Variants in LHFPL6 observed in about 807,000 individuals in gnomAD.
The protein encoded by LHFPL6 is LHFPL tetraspan subfamily member 6.
Under a neutral mutation model 20.6 loss-of-function variants are expected in LHFPL6, and 9 were observed. The observed-to-expected ratio is 0.44, with a 90% confidence interval of 0.26 to 0.76. The LOEUF (loss-of-function observed/expected upper bound fraction) is 0.76, where lower values mean the gene tolerates loss of function less well. Among genes scored for constraint, LHFPL6 ranks in the 30% least tolerant of loss-of-function variants. The pLI, the probability that LHFPL6 is intolerant of heterozygous loss-of-function variation, is 0.20. For missense variants in LHFPL6, 218 were observed against 253.5 expected (o/e 0.86, Z 0.95); for synonymous variants, 105 against 98.7 (o/e 1.06, Z -0.38).
At chr13:39,574,208 C>T (rs534553243) in intron 2 of LHFPL6, among the ~76,000 whole-genome samples, 36 of 152,256 alleles carry the variant, frequency 2.4e-4, no homozygotes, top group African/African-American at 4.3e-4. Flanking sequence ...CAAGGCCGGG[C>T]GCGGTGGCTC....
At chr13:39,557,615 C>T (rs868641981) in intron 2 of LHFPL6, among the ~76,000 whole-genome samples, 4 of 152,206 alleles carry the variant, frequency 2.6e-5, no homozygotes, top group South Asian at 2.1e-4. Context: ...TGTTTTACAA[C>T]GTGAGAAGGA....
chr13:39,555,912 T>C (rs1871289862), intron 2 of LHFPL6, among the ~76,000 whole-genome samples: 1 of 152,110 alleles, frequency 6.6e-6, no homozygotes, highest in Non-Finnish European at 1.5e-5. Context: ...ATGAATGGCT[T>C]AGTACCATCC....
chr13:39,512,683 C>T (rs1869764680), intron 2 of LHFPL6, among the ~76,000 whole-genome samples: 1 of 152,042 alleles, frequency 6.6e-6, no homozygotes, highest in East Asian at 1.9e-4. Context: ...AGTTCTGTTC[C>T]CTTCTTAAAT....
chr13:39,471,441 G>A (rs1377796562), intron 2 of LHFPL6, among the ~76,000 whole-genome samples: 3 of 152,310 alleles, frequency 2.0e-5, no homozygotes, highest in Admixed American at 6.5e-5. Flanking sequence ...GAGGCCAAGT[G>A]AGAGCAGAAA....
intron 3 of LHFPL6, among the ~76,000 whole-genome samples, chr13:39,371,221 A>C (rs1000700449): frequency 6.6e-6 from 1 of 152,256 alleles, no homozygotes; most frequent in African/African-American, 2.4e-5. Flanking sequence ...TTAAATAGCA[A>C]AATGAAAGCA....
intron 2 of LHFPL6, among the ~76,000 whole-genome samples, chr13:39,519,026 A>G (rs984065042): frequency 6.6e-6 from 1 of 152,234 alleles, no homozygotes; most frequent in African/African-American, 2.4e-5. Context: ...ACTTGAGGTC[A>G]GGAGTTTGAG....
chr13:39,349,206 A>G (rs903379094), intron 3 of LHFPL6, among the ~76,000 whole-genome samples: 10 of 152,226 alleles, frequency 6.6e-5, no homozygotes, highest in Non-Finnish European at 1.2e-4. Flanking sequence ...TAAAATAATT[A>G]TTAATTCAAA....
chr13:39,483,836 A>G (rs9594333), intron 2 of LHFPL6, among the ~76,000 whole-genome samples: 33,804 of 152,120 alleles, frequency 0.22, 5,793 homozygotes, highest in East Asian at 0.71. Context: ...GGAATGGCCT[A>G]GTCTCACTGA....
At chr13:39,582,093 C>T (rs1872304682) in intron 2 of LHFPL6, among the ~76,000 whole-genome samples, 1 of 152,150 alleles carries the variant, frequency 6.6e-6, no homozygotes, top group Admixed American at 6.6e-5. Context: ...CAAAAGCTGT[C>T]CAGAACTCAA....
chr13:39,352,549 C>T (rs1393771389), intron 3 of LHFPL6, among the ~76,000 whole-genome samples: 1 of 152,042 alleles, frequency 6.6e-6, no homozygotes, highest in African/African-American at 2.4e-5. Flanking sequence ...ACTTGAGCTC[C>T]ATGGGATCCC....
intron 3 of LHFPL6, among the ~76,000 whole-genome samples, chr13:39,352,877 A>AAATG (rs1869610930): frequency 1.6e-5 from 1 of 62,778 alleles, no homozygotes; most frequent in Non-Finnish European, 3.4e-5. Flanking sequence ...ATATATATAT[A>AAATG]TAAATGTATA....
intron 3 of LHFPL6, among the ~76,000 whole-genome samples, chr13:39,351,905 G>A (rs1380913901): frequency 2.0e-5 from 3 of 152,172 alleles, no homozygotes; most frequent in Non-Finnish European, 4.4e-5. Context: ...TACTGACCAT[G>A]AGGCACCCCA....
chr13:39,344,088 C>T (rs1374010693), intron 3 of LHFPL6, 34 bp from the exon 4 acceptor site: 14 of 1,557,554 alleles, frequency 9.0e-6, no homozygotes, highest in African/African-American at 5.4e-5. Flanking sequence ...AAGAAAGTCA[C>T]AGATGAGGAT....
At chr13:39,353,278 G>A (rs112996448) in intron 3 of LHFPL6, among the ~76,000 whole-genome samples, 6,529 of 150,772 alleles carry the variant, frequency 0.043, 158 homozygotes, top group Non-Finnish European at 0.05. Flanking sequence ...AAGCCACCAC[G>A]CCTGATCCTA....
At chr13:39,360,512 T>C (rs55958075) in intron 3 of LHFPL6, among the ~76,000 whole-genome samples, 12,770 of 97,118 alleles carry the variant, frequency 0.13, 4,525 homozygotes, top group African/African-American at 0.16. Flanking sequence ...AGATGTGTAT[T>C]GGCAAAGAGC....
intron 3 of LHFPL6, among the ~76,000 whole-genome samples, chr13:39,344,294 C>T (rs1869332363): frequency 1.3e-5 from 2 of 152,092 alleles, no homozygotes; most frequent in Non-Finnish European, 2.9e-5. Flanking sequence ...AGTCTAGTCT[C>T]CTCCACCAAT....
intron 2 of LHFPL6, among the ~76,000 whole-genome samples, chr13:39,509,660 G>A (rs1869618188): frequency 6.6e-6 from 1 of 152,048 alleles, no homozygotes; most frequent in Non-Finnish European, 1.5e-5. Context: ...TAAAGAAGGG[G>A]CTTTAAAATA....
chr13:39,567,846 G>A (rs1385283586), intron 2 of LHFPL6, among the ~76,000 whole-genome samples: 1 of 152,196 alleles, frequency 6.6e-6, no homozygotes, highest in African/African-American at 2.4e-5. Flanking sequence ...CATTTACAAA[G>A]TGTCTACTGC....
At chr13:39,585,835 C>A (rs1872431868) in intron 2 of LHFPL6, among the ~76,000 whole-genome samples, 1 of 152,020 alleles carries the variant, frequency 6.6e-6, no homozygotes, top group African/African-American at 2.4e-5. Flanking sequence ...AAAAGTTTTT[C>A]TTTTCATAGT....
Sources: gnomAD v4.1 joint callset for allele counts (sites outside exome capture counted in the v4.1 genomes callset) on GRCh38, gnomAD v4.1.1 for gene constraint, MANE v1.5 for transcripts, NCBI Gene and HGNC (gene_info 2026-07-23, HGNC 2026-07-21) for gene names.